The following ALPK2 variants were observed in gnomAD, a reference collection of about 807,000 sequenced individuals.
ALPK2 encodes the protein alpha kinase 2.
Under a neutral mutation model 163.1 loss-of-function variants are expected in ALPK2, and 127 were observed. The observed-to-expected ratio is 0.78, with a 90% confidence interval of 0.67 to 0.90. ALPK2 has a LOEUF of 0.90. Ranked by LOEUF, ALPK2 falls within the 40% of genes least tolerant of loss-of-function variation. The pLI is 0.00. For synonymous variants in ALPK2, 953 were observed against 959.1 expected (o/e 0.99, Z 0.12); for missense variants, 2,360 against 2,589.6 (o/e 0.91, Z 1.92).
At chr18:58,625,440 G>A (rs1295406160) in intron 1 of ALPK2, among the ~76,000 whole-genome samples, 4 of 152,246 alleles carry the variant, frequency 2.6e-5, no homozygotes, top group Non-Finnish European at 5.9e-5. Flanking sequence ...CGAAGAAATG[G>A]CTACAGCAGT....
chr18:58,571,326 T>A (rs776027956), intron 4 of ALPK2, among the ~76,000 whole-genome samples: 10 of 151,714 alleles, frequency 6.6e-5, no homozygotes, highest in Non-Finnish European at 1.5e-4. Flanking sequence ...TGGCAAACCT[T>A]GAGAACTTAC....
intron 12 of ALPK2, among the ~76,000 whole-genome samples, chr18:58,487,361 G>A (rs2051344898): frequency 6.6e-6 from 1 of 152,184 alleles, no homozygotes; most frequent in African/African-American, 2.4e-5. Context: ...CCGGAAGCCA[G>A]AGGAGAGGCA....
rs1454580223 is a variant in ALPK2 at position 58,515,070 on chromosome 18, A to C, written c.5952T>G (p.Val1984=). The C allele has an allele frequency of 6.2e-7, 1 of 1,611,788 alleles. No homozygotes were observed. Among genetic ancestry groups the C allele is most frequent in the African/African-American group, 1.3e-5 (1 of 74,822 alleles). The change falls in exon 10 of 13, where the codon GTT becomes GTG. Residue 1984 remains valine, a synonymous_variant. Coordinates refer to ENST00000361673, the MANE Select transcript of ALPK2 (RefSeq NM_052947.4). ...TGGCATAATACCTGGCAGTATTTTG[A>C]ACATAGCATTCCTATATCGCCAAAA... The part of the protein sequence containing the change: ...NYKLAAQECY[V]QNTARYYAKI...
intron 8 of ALPK2, among the ~76,000 whole-genome samples, chr18:58,522,020 G>A (rs1212215626): frequency 5.3e-5 from 8 of 152,166 alleles, no homozygotes. Context: ...ACCTGTTTCT[G>A]CAGAGATTTC....
In ALPK2 at chr18:58,580,201, C is replaced by A. The variant is rs985783723; in HGVS notation, c.575G>T (p.Gly192Val). The A allele has an allele frequency of 6.2e-6, 10 of 1,614,042 alleles. No homozygotes were observed. Among genetic ancestry groups the A allele is most frequent in the African/African-American group, 5.3e-5 (4 of 74,904 alleles). The change falls in exon 4 of 13, where the codon GGT becomes GTT. Residue 192 changes from glycine (G) to valine (V), a missense_variant. Physicochemically the swap from Gly to Val is moderately radical, Grantham distance 109 (BLOSUM62 -3). Coordinates refer to ENST00000361673, the MANE Select transcript of ALPK2 (RefSeq NM_052947.4). ...TCCAGTGTGCCTTGTTCCTTTAACA[C>A]CCAAAGGATTTTCAGAACTGGACAC... is the stretch of plus-strand genomic sequence containing the variant. ...ISVSSSENPL[G>V]VKGTRHTGEA...
chr18:58,582,535 C>T (rs964310027), intron 3 of ALPK2, among the ~76,000 whole-genome samples: 7 of 149,938 alleles, frequency 4.7e-5, no homozygotes, highest in African/African-American at 1.7e-4. Context: ...ATGTCTATTG[C>T]TGCAGTTTCA....
chr18:58,601,655 G>A (rs1328849955), intron 3 of ALPK2, among the ~76,000 whole-genome samples: 2 of 152,116 alleles, frequency 1.3e-5, no homozygotes, highest in South Asian at 2.1e-4. Flanking sequence ...AGAGCAAGGC[G>A]GGCTAGCCAA....
Position 58,573,681 on chromosome 18 carries a change from G to A in ALPK2, c.1962+5133C>T, listed in dbSNP as rs568462119. 4.8e-5 allele frequency among the ~76,000 whole-genome samples: 7 copies of A among 145,912 alleles called. No individual in the cohort carries two copies. The South Asian group carries it at 1.1e-3, about 23-fold the overall frequency. ...TTGGGTGTTTCTCAGAGAGGGGGAT[G>A]TGGCAGGGTCATAGGATAATAGTGG... On this transcript the variant is annotated intron_variant, in intron 4 of 12. Coordinates refer to ENST00000361673, the MANE Select transcript of ALPK2 (RefSeq NM_052947.4).
intron 4 of ALPK2, among the ~76,000 whole-genome samples, chr18:58,569,891 G>A (rs769774667): frequency 5.3e-5 from 8 of 151,558 alleles, no homozygotes; most frequent in African/African-American, 9.7e-5. Context: ...AGCGCTTTGG[G>A]AGGCTGAGGT....
chr18:58,619,675 G>T (rs745913560), intron 1 of ALPK2, among the ~76,000 whole-genome samples: 1 of 152,182 alleles, frequency 6.6e-6, no homozygotes, highest in Admixed American at 6.5e-5. Flanking sequence ...GCCTCAAAGA[G>T]TGTGTTTATG....
At chr18:58,503,282 TG>T (rs1317258740) in intron 11 of ALPK2, among the ~76,000 whole-genome samples, 1 of 152,258 alleles carries the variant, frequency 6.6e-6, no homozygotes, top group East Asian at 1.9e-4. Context: ...ATTTACCTTA[TG>T]GTAGATCTGG....
chr18:58,560,370 G>A (rs1238879378), intron 4 of ALPK2, among the ~76,000 whole-genome samples: 12 of 152,204 alleles, frequency 7.9e-5, no homozygotes, highest in Admixed American at 5.2e-4. Flanking sequence ...CCATTCTTGG[G>A]TATGTCTTTA....
chr18:58,488,890 A>G (rs943273170), intron 12 of ALPK2, among the ~76,000 whole-genome samples: 3 of 152,188 alleles, frequency 2.0e-5, no homozygotes, highest in Non-Finnish European at 2.9e-5. Flanking sequence ...ACCTGGAAAC[A>G]GCAAGAGATT....
At chr18:58,595,454 A>G (rs568447339) in intron 3 of ALPK2, among the ~76,000 whole-genome samples, 1 of 152,188 alleles carries the variant, frequency 6.6e-6, no homozygotes, top group South Asian at 2.1e-4. Flanking sequence ...ATCTTAATAG[A>G]TTTTGTTTGG....
chr18:58,505,514 C>T (rs1230362734), intron 10 of ALPK2, among the ~76,000 whole-genome samples: 6 of 152,228 alleles, frequency 3.9e-5, no homozygotes, highest in African/African-American at 7.2e-5. Flanking sequence ...CCCTGGTCCC[C>T]GCCCCTCTCA....
intron 1 of ALPK2, among the ~76,000 whole-genome samples, chr18:58,620,074 T>C (rs910625431): frequency 1.3e-4 from 20 of 152,322 alleles, no homozygotes; most frequent in African/African-American, 4.3e-4. Flanking sequence ...GCAGATCGCC[T>C]GAGGTCAGGA....
chr18:58,610,908 A>G (rs1333554181), intron 2 of ALPK2, among the ~76,000 whole-genome samples: 1 of 152,196 alleles, frequency 6.6e-6, no homozygotes, highest in Non-Finnish European at 1.5e-5. Context: ...CAGCCTGACC[A>G]ACATGGTGAA....
rs183581034 is a variant in ALPK2 at position 58,592,557 on chromosome 18, G to A, written c.228-12009C>T. ...AAAGCAATGAGCTGATGTGGGATTC[G>A]CAGGAGGTAGGGCTGGGGGAGAGGG... On this transcript the variant is annotated intron_variant, in intron 3 of 12. Transcript: ENST00000361673. Among the ~76,000 whole-genome samples, 3 of 152,308 alleles carry A rather than the reference G, an allele frequency of 2.0e-5. No individual in the cohort carries two copies. In the East Asian group the frequency reaches 5.8e-4, roughly 29 times the overall value.
chr18:58,502,606 T>C (rs1045580960), intron 11 of ALPK2, among the ~76,000 whole-genome samples: 1 of 152,166 alleles, frequency 6.6e-6, no homozygotes, highest in Admixed American at 6.5e-5. Context: ...TGGGACAATA[T>C]CTGACATTTG....
Sources: allele counts gnomAD v4.1 joint callset (sites outside exome capture counted in the v4.1 genomes callset), GRCh38; gene constraint gnomAD v4.1.1; transcripts MANE v1.5; gene names NCBI Gene and HGNC (gene_info 2026-07-23, HGNC 2026-07-21).